GPR149: variants seen among roughly 807,000 people sequenced by gnomAD.
GPR149 encodes the protein G protein-coupled receptor 149.
In GPR149, 50 loss-of-function variants were observed where a neutral mutation model predicts 50.2. That is an observed-to-expected ratio of 1.00 (90% CI 0.79 to 1.26). The LOEUF (loss-of-function observed/expected upper bound fraction) is 1.26, where lower values mean the gene tolerates loss of function less well. Ranked by LOEUF, GPR149 falls within the 50% of genes most tolerant of loss-of-function variation. The pLI, the probability that GPR149 is intolerant of heterozygous loss-of-function variation, is 0.00. For missense variants in GPR149, 983 were observed against 895.4 expected, an observed-to-expected ratio of 1.10 and a Z score of -1.25; for synonymous variants, 405 against 358.2, an observed-to-expected ratio of 1.13 and a Z score of -1.48.
At chr3:154,419,873 C>T (rs776608274) in intron 3 of GPR149, among the ~76,000 whole-genome samples, 4 of 151,956 alleles carry the variant, frequency 2.6e-5, no homozygotes, top group Non-Finnish European at 5.9e-5. Flanking sequence ...GTTCTTTGGC[C>T]TCCACCTTTT....
At chr3:154,388,883 C>CAT (rs1409554371) in intron 3 of GPR149, among the ~76,000 whole-genome samples, 1 of 151,376 alleles carries the variant, frequency 6.6e-6, no homozygotes, top group Non-Finnish European at 1.5e-5. Flanking sequence ...CACACACACA[C>CAT]ACACACACAC....
intron 3 of GPR149, among the ~76,000 whole-genome samples, chr3:154,385,192 A>G (rs696853): frequency 0.83 from 126,751 of 152,130 alleles, 52,818 homozygotes; most frequent in Middle Eastern, 0.91. Context: ...CTAATTTGCT[A>G]AAAAGAAATT....
chr3:154,377,895 A>G (rs1274568198), intron 3 of GPR149, among the ~76,000 whole-genome samples: 1 of 152,088 alleles, frequency 6.6e-6, no homozygotes, highest in African/African-American at 2.4e-5. Flanking sequence ...AATCACTGAC[A>G]TGCCTCTGGT....
chr3:154,376,825 G>GATA (rs1714802502), intron 3 of GPR149, among the ~76,000 whole-genome samples: 1 of 152,088 alleles, frequency 6.6e-6, no homozygotes, highest in African/African-American at 2.4e-5. Context: ...GTCATATCTT[G>GATA]GCCTTACCAT....
At chr3:154,373,852 T>G (rs76284537) in intron 3 of GPR149, among the ~76,000 whole-genome samples, 2,980 of 152,290 alleles carry the variant, frequency 0.02, 96 homozygotes, top group African/African-American at 0.068. Flanking sequence ...AGTAAATGAT[T>G]GTTCATTGCT....
At chr3:154,340,387 A>G (rs1364888212) in intron 3 of GPR149, among the ~76,000 whole-genome samples, 2 of 152,374 alleles carry the variant, frequency 1.3e-5, no homozygotes, top group East Asian at 3.9e-4. Flanking sequence ...TCATCACAGC[A>G]TCAGACTACT....
Position 154,428,737 on chromosome 3 carries a change from C to T in GPR149, c.879G>A (p.Arg293=). Residue 293 remains arginine (R), a synonymous_variant, in exon 1 of 4, where the codon CGG becomes CGA. Transcript: ENST00000389740. ...AGCTCCTGGTGCCATAGAGAGTCCC[C>T]CGGTTCTCACGCCTGCAGGCTTCAG... The part of the protein sequence containing the change: ...AGAEACRREN[R]GTLYGTRSFT... 1 of 1,614,108 alleles carries T rather than the reference C, an allele frequency of 6.2e-7. No individual in the cohort carries two copies. Among genetic ancestry groups the T allele is most frequent in the Non-Finnish European group, 8.5e-7 (1 of 1,180,042 alleles).
Position 154,337,521 on chromosome 3 carries a change from C to T in GPR149, c.*178G>A, listed in dbSNP as rs149455552. 2.4e-3 allele frequency among the ~76,000 whole-genome samples: 372 copies of T among 152,290 alleles called. 2 individuals carry two copies. Among genetic ancestry groups the T allele is most frequent in the African/African-American group, 8.8e-3 (366 of 41,564 alleles). ...CACAGTGTGTGATCTTTAGGTAACA[C>T]ATCAAATGCACTTAAGTGTTTACAC... On this transcript the variant is annotated 3_prime_UTR_variant, in exon 4 of 4. Coordinates refer to ENST00000389740, the MANE Select transcript of GPR149 (RefSeq NM_001038705.3).
chr3:154,343,982 C>T (rs1398856789), intron 3 of GPR149, among the ~76,000 whole-genome samples: 3 of 150,944 alleles, frequency 2.0e-5, no homozygotes, highest in Non-Finnish European at 2.9e-5. Flanking sequence ...GTCCCCACCG[C>T]CCCCCCAAAA....
intron 3 of GPR149, among the ~76,000 whole-genome samples, chr3:154,371,687 TG>T (rs1714665912): frequency 6.6e-6 from 1 of 152,154 alleles, no homozygotes; most frequent in Non-Finnish European, 1.5e-5. Flanking sequence ...AAAAGAATGT[TG>T]CTATTTTGTT....
At chr3:154,427,477 T>G (rs373308053) in intron 2 of GPR149, 39 bp downstream of exon 2, 7 of 1,542,906 alleles carry the variant, frequency 4.5e-6, no homozygotes, top group South Asian at 1.3e-5. Flanking sequence ...AGTCACCTAA[T>G]GCATATTGCT....
At chr3:154,350,277 A>G (rs1178322498) in intron 3 of GPR149, among the ~76,000 whole-genome samples, 5 of 152,188 alleles carry the variant, frequency 3.3e-5, no homozygotes, top group African/African-American at 1.2e-4. Flanking sequence ...CTTGCAGATG[A>G]CATGATTGAT....
chr3:154,415,361 C>T (rs1173616520), intron 3 of GPR149, among the ~76,000 whole-genome samples: 1 of 151,958 alleles, frequency 6.6e-6, no homozygotes, highest in African/African-American at 2.4e-5. Context: ...ATGATGCATG[C>T]TGTGAAGATC....
At chr3:154,401,147 A>G (rs1442782943) in intron 3 of GPR149, among the ~76,000 whole-genome samples, 3 of 152,350 alleles carry the variant, frequency 2.0e-5, no homozygotes, top group Admixed American at 2.0e-4. Flanking sequence ...TTTAATTCCT[A>G]TAACTGCTTA....
intron 3 of GPR149, among the ~76,000 whole-genome samples, chr3:154,375,294 A>T (rs1714765986): frequency 1.3e-5 from 2 of 152,208 alleles, no homozygotes; most frequent in African/African-American, 2.4e-5. Context: ...GTATTAATTC[A>T]AATGACTGTA....
chr3:154,353,440 C>G (rs1239061204), intron 3 of GPR149: 10 of 998,524 alleles, frequency 1.0e-5, no homozygotes, highest in South Asian at 9.1e-5. Flanking sequence ...TCATTAAAAT[C>G]TAAATCTAAC....
intron 3 of GPR149, among the ~76,000 whole-genome samples, chr3:154,378,629 G>A (rs946927919): frequency 1.3e-5 from 2 of 152,238 alleles, no homozygotes; most frequent in East Asian, 1.9e-4. Flanking sequence ...GTACAACTTT[G>A]TTTTCCAAAC....
intron 3 of GPR149, among the ~76,000 whole-genome samples, chr3:154,345,897 G>A (rs1713915672): frequency 6.6e-6 from 1 of 152,148 alleles, no homozygotes; most frequent in Admixed American, 6.5e-5. Context: ...TAGCCAGAGA[G>A]GTCAAACACT....
intron 3 of GPR149, among the ~76,000 whole-genome samples, chr3:154,388,714 T>C (rs1298503868): frequency 1.3e-5 from 2 of 152,152 alleles, no homozygotes; most frequent in African/African-American, 4.8e-5. Flanking sequence ...CTATTGCCCT[T>C]AACTTGACCC....
Sources: allele counts gnomAD v4.1 joint callset (sites outside exome capture counted in the v4.1 genomes callset), GRCh38; gene constraint gnomAD v4.1.1; transcripts MANE v1.5; gene names NCBI Gene and HGNC (gene_info 2026-07-23, HGNC 2026-07-21).